MBNL2: variants seen among roughly 807,000 people sequenced by gnomAD.
MBNL2 encodes muscleblind-like protein 2.
MBNL2 carries 17 observed loss-of-function variants against 41.9 expected under a neutral mutation model. The ratio of observed to expected loss-of-function variants is 0.41; its 90% confidence interval spans 0.28 to 0.61. The LOEUF (loss-of-function observed/expected upper bound fraction) is 0.61, where lower values mean the gene tolerates loss of function less well. MBNL2 is among the 20% of genes least tolerant of loss of function. MBNL2 has a pLI of 0.35. For synonymous variants in MBNL2, 195 were observed against 182.9 expected (o/e 1.07, Z -0.53); for missense variants, 336 against 505.6 (o/e 0.66, Z 3.22).
At chr13:97,155,856 T>A in the MBNL2 span, among the ~76,000 whole-genome samples, 1 of 147,906 alleles carries the variant, frequency 6.8e-6, no homozygotes, top group South Asian at 2.2e-4. Context: ...GCAATAAACA[T>A]ACGTGTGCAT....
intron 8 of MBNL2, among the ~76,000 whole-genome samples, chr13:97,384,679 G>GC (rs1437827135): frequency 6.6e-6 from 1 of 152,184 alleles, no homozygotes; most frequent in Non-Finnish European, 1.5e-5. Flanking sequence ...AGCCTCCTTA[G>GC]CTTAGCCCTA....
At chr13:97,377,963 G>T (rs922911997) in intron 8 of MBNL2, among the ~76,000 whole-genome samples, 2 of 152,166 alleles carry the variant, frequency 1.3e-5, no homozygotes, top group Non-Finnish European at 2.9e-5. Flanking sequence ...GTGGGGAGAG[G>T]TGAAGGCTTG....
At chr13:97,355,637 A>G (rs1180173433) in intron 5 of MBNL2, among the ~76,000 whole-genome samples, 1 of 152,152 alleles carries the variant, frequency 6.6e-6, no homozygotes, top group Non-Finnish European at 1.5e-5. Context: ...TTAACAAAGA[A>G]TAGGAAAATT....
intron 1 of MBNL2, among the ~76,000 whole-genome samples, chr13:97,264,064 G>A (rs2049222158): frequency 6.7e-6 from 1 of 149,134 alleles, no homozygotes; most frequent in Admixed American, 6.7e-5. Flanking sequence ...AGGCGGGAGT[G>A]CACTGATGCA....
At chr13:97,157,113 C>T in the MBNL2 span, among the ~76,000 whole-genome samples, 2 of 148,816 alleles carry the variant, frequency 1.3e-5, no homozygotes, top group East Asian at 4.1e-4. Context: ...CCTTCACATC[C>T]CTTGTAAGTT....
chr13:97,347,110 C>T lies in MBNL2; in HGVS notation c.804+43C>T, dbSNP rs558130821. 1.8e-4 allele frequency: 254 copies of T among 1,435,406 alleles called. No homozygotes were observed. In the African/African-American group the frequency reaches 2.9e-3, roughly 17 times the overall value. The allele number at this position is 1,435,406 out of a possible 1,614,324, so 88.9% of individuals were successfully genotyped here. On this transcript the variant is annotated intron_variant, in intron 5 of 8. Coordinates refer to ENST00000679496, the MANE Select transcript of MBNL2 (RefSeq NM_001382683.1). ...CCGCCCCTGCACCCCGGCGCCTCTG[C>T]GGAGGCCGCTCCGGGCTGGGACTTG...
At position 97,366,204 on chromosome 13, in the gene MBNL2, A is replaced by G; in HGVS notation, c.1048+1033A>G. On this transcript the variant is annotated intron_variant, in intron 8 of 8. Transcript: ENST00000679496. This position sits in a 1 kb window ranked among gnomAD's most constrained non-coding sequence, Gnocchi z 4.7. Reference sequence around the variant, plus strand: ...TAAAATGTTTATAAATACATCAACCAAAGTAATCTGCTTTGGCCTTTCTGG... The same window carrying G: ...TAAAATGTTTATAAATACATCAACCGAAGTAATCTGCTTTGGCCTTTCTGG... Among the ~76,000 whole-genome samples, 1 of 152,222 alleles carries G rather than the reference A, an allele frequency of 6.6e-6. No individual in the cohort carries two copies. The highest frequency in any genetic ancestry group is 6.5e-5 in the Admixed American group (1 of 15,286).
chr13:97,200,554 A>G, the MBNL2 span, among the ~76,000 whole-genome samples: 1 of 152,240 alleles, frequency 6.6e-6, no homozygotes, highest in Non-Finnish European at 1.5e-5. Flanking sequence ...ATTAATAGTC[A>G]TTGGACAACA....
At chr13:97,329,499 A>T (rs755944861) in intron 2 of MBNL2, among the ~76,000 whole-genome samples, 3 of 151,444 alleles carry the variant, frequency 2.0e-5, no homozygotes, top group Non-Finnish European at 4.4e-5. Flanking sequence ...CTCACTCCTC[A>T]TGCTCCTCCC....
intron 3 of MBNL2, among the ~76,000 whole-genome samples, chr13:97,339,499 G>T (rs1208637118): frequency 1.3e-5 from 2 of 152,084 alleles, no homozygotes; most frequent in Admixed American, 6.5e-5. Flanking sequence ...GAGATGACGT[G>T]GACCAAATGG....
the MBNL2 span, among the ~76,000 whole-genome samples, chr13:97,149,337 G>T: frequency 5.5e-3 from 843 of 152,222 alleles, 6 homozygotes; most frequent in African/African-American, 0.019. Context: ...CGTACACTGC[G>T]CATGCTTAGT....
the MBNL2 span, among the ~76,000 whole-genome samples, chr13:97,163,649 A>C: frequency 6.6e-6 from 1 of 152,132 alleles, no homozygotes; most frequent in Non-Finnish European, 1.5e-5. Context: ...GGGGGTGGCC[A>C]ACTTTATACA....
Position 97,388,314 on chromosome 13 carries a change from C to CATATATATATATATATATATAT in MBNL2, c.1049-3007_1049-2986dup, listed in dbSNP as rs34389348. Among the ~76,000 whole-genome samples, 283 of 139,582 alleles carry CATATATATATATATATATATAT rather than the reference C, an allele frequency of 2.0e-3. 1 individual carries two copies. Among genetic ancestry groups the CATATATATATATATATATATAT allele is most frequent in the South Asian group, 4.5e-3 (19 of 4,232 alleles). 91.6% of individuals were successfully genotyped at this position (139,582 alleles called of 152,430 possible). Reference sequence around the variant, plus strand: ...AAAAGTTTATACATATACATACATACATATATATATATATATATATATCAT... The same window carrying CATATATATATATATATATATAT: ...AAAAGTTTATACATATACATACATACATATATATATATATATATATATATATATATATATATATATATATCAT... On this transcript the variant is annotated intron_variant, in intron 8 of 8. Transcript: ENST00000679496.
In MBNL2 at chr13:97,393,443, A is replaced by T. The variant is rs1312291261; in HGVS notation, c.*1994A>T. The T allele has an allele frequency of 6.6e-6, 1 of 152,386 alleles. No individual in the cohort carries two copies. Among genetic ancestry groups the T allele is most frequent in the African/African-American group, 2.4e-5 (1 of 41,426 alleles). 9.4% of individuals were successfully genotyped at this position (152,386 alleles called of 1,614,324 possible). A position where few individuals can be genotyped will look rare whatever the true frequency, so the allele number is the denominator to read the frequency against. On this transcript the variant is annotated 3_prime_UTR_variant, in exon 9 of 9. Coordinates refer to ENST00000679496, the MANE Select transcript of MBNL2 (RefSeq NM_001382683.1). ...TGATTTTTAAAATTATTAGCACACA[A>T]CTATTTTCAGCCCTTTAATAATGGA...
chr13:97,363,463 T>TGTGTGTGA (rs1491108869), intron 7 of MBNL2, among the ~76,000 whole-genome samples: 14 of 144,648 alleles, frequency 9.7e-5, no homozygotes, highest in African/African-American at 3.3e-4. Flanking sequence ...TGTGTGTGTG[T>TGTGTGTGA]GATCAAAAAT....
the MBNL2 span, among the ~76,000 whole-genome samples, chr13:97,201,796 C>T: frequency 6.6e-6 from 1 of 152,172 alleles, no homozygotes; most frequent in African/African-American, 2.4e-5. Flanking sequence ...TGAACCTAAA[C>T]TTTCTAAATC....
the MBNL2 span, among the ~76,000 whole-genome samples, chr13:97,168,504 C>T: frequency 4.7e-4 from 72 of 152,272 alleles, no homozygotes; most frequent in Admixed American, 4.2e-3. Context: ...TCCCCTGGGA[C>T]TTACTAGCTT....
At chr13:97,209,094 C>T in the MBNL2 span, among the ~76,000 whole-genome samples, 1 of 152,168 alleles carries the variant, frequency 6.6e-6, no homozygotes, top group African/African-American at 2.4e-5. Context: ...ATTCAAAATC[C>T]TTGAAAGACA....
chr13:97,150,564 C>A, the MBNL2 span, among the ~76,000 whole-genome samples: 1 of 152,168 alleles, frequency 6.6e-6, no homozygotes, highest in Non-Finnish European at 1.5e-5. Context: ...TATAGTCAGG[C>A]AAATGCTTAC....
Sources: gnomAD v4.1 joint callset for allele counts (sites outside exome capture counted in the v4.1 genomes callset) on GRCh38, gnomAD v4.1.1 for gene constraint, Gnocchi (gnomAD v3.1) non-coding constraint, MANE v1.5 for transcripts, NCBI Gene and HGNC (gene_info 2026-07-23, HGNC 2026-07-21) for gene names.